The following NCAM2 variants were observed in gnomAD, a reference collection of about 807,000 sequenced individuals.
The protein encoded by NCAM2 is N-CAM-2.
NCAM2 carries 30 observed loss-of-function variants against 98.1 expected under a neutral mutation model. That is an observed-to-expected ratio of 0.31 (90% CI 0.23 to 0.41). The LOEUF (loss-of-function observed/expected upper bound fraction) is 0.41. Among genes scored for constraint, NCAM2 ranks in the 10% least tolerant of loss-of-function variants. The probability of loss-of-function intolerance (pLI) is 1.00; values close to 1 mark genes in which losing one functional copy is unlikely to be tolerated. For synonymous variants in NCAM2, 368 were observed against 342.4 expected, an observed-to-expected ratio of 1.07 and a Z score of -0.83; for missense variants, 867 against 1,005.8, an observed-to-expected ratio of 0.86 and a Z score of 1.87.
At chr21:21,292,729 G>A (rs775380840) in intron 5 of NCAM2, among the ~76,000 whole-genome samples, 49 of 151,908 alleles carry the variant, frequency 3.2e-4, no homozygotes, top group Non-Finnish European at 4.7e-4. Flanking sequence ...CTCCTATATA[G>A]TTCCTTCCTG....
At chr21:21,005,167 T>G (rs2064088934) in intron 1 of NCAM2, among the ~76,000 whole-genome samples, 1 of 152,178 alleles carries the variant, frequency 6.6e-6, no homozygotes, top group Admixed American at 6.5e-5. Flanking sequence ...GTAAATCTTT[T>G]GGAGCCATTG....
At chr21:21,499,035 A>C (rs1987444746) in intron 15 of NCAM2, among the ~76,000 whole-genome samples, 1 of 152,190 alleles carries the variant, frequency 6.6e-6, no homozygotes, top group Non-Finnish European at 1.5e-5. Flanking sequence ...AAGATGAAGA[A>C]AAATTTTATA....
intron 1 of NCAM2, among the ~76,000 whole-genome samples, chr21:21,264,949 A>ATATGTG (rs1213400362): frequency 4.0e-5 from 4 of 99,836 alleles, no homozygotes; most frequent in South Asian, 3.4e-4. Context: ...GTGTGTATAT[A>ATATGTG]TATGTGTATG....
chr21:21,292,901 C>G (rs1336707414), intron 5 of NCAM2, among the ~76,000 whole-genome samples: 1 of 151,804 alleles, frequency 6.6e-6, no homozygotes, highest in Non-Finnish European at 1.5e-5. Flanking sequence ...CTGGGGAGGC[C>G]TCAAGACACA....
intron 1 of NCAM2, among the ~76,000 whole-genome samples, chr21:21,093,590 C>A (rs1280053396): frequency 1.3e-5 from 2 of 151,982 alleles, no homozygotes; most frequent in Non-Finnish European, 2.9e-5. Flanking sequence ...GGTAAGCCAC[C>A]ATGCTGTAGT....
At chr21:21,332,293 G>T (rs1416825269) in intron 6 of NCAM2, among the ~76,000 whole-genome samples, 1 of 152,130 alleles carries the variant, frequency 6.6e-6, no homozygotes, top group Non-Finnish European at 1.5e-5. Context: ...TTGTTTTATA[G>T]ATGCAGTTAA....
chr21:21,427,702 A>G (rs766775879), intron 11 of NCAM2, among the ~76,000 whole-genome samples: 5 of 152,206 alleles, frequency 3.3e-5, no homozygotes, highest in Non-Finnish European at 7.3e-5. Flanking sequence ...GATTGTATCC[A>G]TCTGACTCCT....
intron 12 of NCAM2, among the ~76,000 whole-genome samples, chr21:21,459,873 TAAG>T (rs1982705580): frequency 6.6e-6 from 1 of 151,836 alleles, no homozygotes; most frequent in Non-Finnish European, 1.5e-5. Flanking sequence ...GCTAAGTTAA[TAAG>T]AAATGTAACT....
intron 1 of NCAM2, among the ~76,000 whole-genome samples, chr21:21,124,645 G>A (rs1247197967): frequency 6.6e-6 from 1 of 152,072 alleles, no homozygotes; most frequent in Admixed American, 6.6e-5. Context: ...CTAAGAAGTC[G>A]TTTAAAACTG....
intron 15 of NCAM2, among the ~76,000 whole-genome samples, chr21:21,500,576 C>T (rs533329559): frequency 2.8e-4 from 43 of 151,992 alleles, no homozygotes; most frequent in Admixed American, 2.0e-3. Flanking sequence ...CATGCAAATG[C>T]GATCTGAAAG....
intron 1 of NCAM2, among the ~76,000 whole-genome samples, chr21:21,247,094 C>G (rs774667374): frequency 6.6e-6 from 1 of 151,568 alleles, no homozygotes; most frequent in East Asian, 1.9e-4. Flanking sequence ...CTGAGGCGGG[C>G]GGATCATGAG....
At position 21,120,020 on chromosome 21, in the gene NCAM2, T is replaced by C. The variant is rs76685930; in HGVS notation, c.55+121402T>C. Among the ~76,000 whole-genome samples, 159 of 152,368 alleles carry C rather than the reference T, an allele frequency of 1.0e-3. 1 individual carries two copies. Among genetic ancestry groups the C allele is most frequent in the Non-Finnish European group, 1.3e-3 (87 of 68,032 alleles). ...CTCCATTACCTCAGTGCTTGACTTC[T>C]TGTGCAGTTAGTCATGTTCATAGTA... On this transcript the variant is annotated intron_variant, in intron 1 of 17. Coordinates refer to ENST00000400546, the MANE Select transcript of NCAM2 (RefSeq NM_004540.5).
chr21:21,418,032 T>C (rs2077028472), intron 10 of NCAM2, among the ~76,000 whole-genome samples: 1 of 152,052 alleles, frequency 6.6e-6, no homozygotes, highest in Non-Finnish European at 1.5e-5. Flanking sequence ...CAGTTAACAA[T>C]GCTTTTATTA....
intron 5 of NCAM2, among the ~76,000 whole-genome samples, chr21:21,297,397 A>G (rs1048435423): frequency 1.8e-4 from 27 of 151,852 alleles, no homozygotes; most frequent in Middle Eastern, 3.4e-3. Flanking sequence ...ATCTTCAGGT[A>G]AGCTCTCCAA....
intron 1 of NCAM2, among the ~76,000 whole-genome samples, chr21:21,119,934 T>A (rs2066637372): frequency 6.6e-6 from 1 of 152,232 alleles, no homozygotes; most frequent in African/African-American, 2.4e-5. Flanking sequence ...TACTTTGTTT[T>A]CAGTTTTTGT....
intron 1 of NCAM2, among the ~76,000 whole-genome samples, chr21:21,237,315 A>G (rs2070871185): frequency 6.6e-6 from 1 of 152,130 alleles, no homozygotes; most frequent in Non-Finnish European, 1.5e-5. Flanking sequence ...TCTTCTAAGG[A>G]AAATTCTACC....
intron 1 of NCAM2, among the ~76,000 whole-genome samples, chr21:21,057,811 C>CT (rs1256936043): frequency 1.3e-5 from 2 of 152,116 alleles, no homozygotes; most frequent in Non-Finnish European, 2.9e-5. Context: ...CTTCAGGCCT[C>CT]TCTCTTTCCC....
chr21:21,229,650 G>A (rs2070540588), intron 1 of NCAM2, among the ~76,000 whole-genome samples: 1 of 151,338 alleles, frequency 6.6e-6, no homozygotes, highest in Non-Finnish European at 1.5e-5. Context: ...CAGATTAAGT[G>A]CTTATTTCAT....
intron 1 of NCAM2, among the ~76,000 whole-genome samples, chr21:21,065,858 C>G (rs1301590111): frequency 6.6e-6 from 1 of 152,028 alleles, no homozygotes; most frequent in Non-Finnish European, 1.5e-5. Context: ...AGGGAGTGTT[C>G]TATTTCAATT....
Sources: gnomAD v4.1 joint callset for allele counts (sites outside exome capture counted in the v4.1 genomes callset) on GRCh38, gnomAD v4.1.1 for gene constraint, MANE v1.5 for transcripts, NCBI Gene and HGNC (gene_info 2026-07-23, HGNC 2026-07-21) for gene names.